Variants in NSD3 observed in about 807,000 individuals in gnomAD.
The protein encoded by NSD3 is histone-lysine N-methyltransferase NSD3.
NSD3 carries 24 observed loss-of-function variants against 160.8 expected under a neutral mutation model. That is an observed-to-expected ratio of 0.15 (90% CI 0.11 to 0.21). The LOEUF (loss-of-function observed/expected upper bound fraction) is 0.21, where lower values mean the gene tolerates loss of function less well. Among genes scored for constraint, NSD3 ranks in the 10% least tolerant of loss-of-function variants. The probability of loss-of-function intolerance (pLI) is 1.00; values close to 1 mark genes in which losing one functional copy is unlikely to be tolerated. For synonymous variants in NSD3, 520 were observed against 600.0 expected (o/e 0.87, Z 1.95); for missense variants, 1,157 against 1,735.9 (o/e 0.67, Z 5.93).
chr8:38,282,102 T>C (rs904684147), intron 19 of NSD3, among the ~76,000 whole-genome samples: 3 of 152,214 alleles, frequency 2.0e-5, no homozygotes, highest in African/African-American at 7.2e-5. Flanking sequence ...TACAGTACAA[T>C]ATCAAAACCA....
Position 38,278,361 on chromosome 8 carries a change from G to A in NSD3, c.3812C>T (p.Thr1271Met), listed in dbSNP as rs375135970. 281 of 1,613,866 alleles carry A rather than the reference G, an allele frequency of 1.7e-4. 1 individual carries two copies. Among genetic ancestry groups the A allele is most frequent in the Non-Finnish European group, 2.3e-4 (267 of 1,180,002 alleles). The change falls in exon 22 of 24, where the codon ACG (threonine) becomes ATG (methionine). Residue 1271 changes from threonine to methionine, a missense_variant. Around this residue, in one of 10 missense-constraint regions of NSD3, gnomAD observed 222 missense variants for 409.9 expected, o/e 0.54. Transcript: ENST00000317025. ...GTTATCTGCTCCACAGTGGCACTCC[G>A]TTCTGCCGTTGCCCAGACAATCTAG... The part of the protein sequence containing the change: ...YNLDCLGNGR[T>M]ECHCGADNCS...
chr8:38,333,352 A>T (rs993574547), intron 4 of NSD3, among the ~76,000 whole-genome samples: 1 of 152,242 alleles, frequency 6.6e-6, no homozygotes, highest in Non-Finnish European at 1.5e-5. Context: ...AAAACTATGA[A>T]ATAAGACTGA....
intron 1 of NSD3, among the ~76,000 whole-genome samples, chr8:38,362,845 G>C (rs1811014287): frequency 6.6e-6 from 1 of 152,136 alleles, no homozygotes. Context: ...CATCACTGTA[G>C]AACATAACAC....
intron 23 of NSD3, 146 bp from the exon 24 acceptor site, chr8:38,276,028 C>A: frequency 1.2e-6 from 1 of 839,138 alleles, no homozygotes; most frequent in Non-Finnish European, 1.8e-6. Context: ...AAACATAGAT[C>A]TGGGTGTACA....
chr8:38,277,682 G>A (rs926147723), intron 22 of NSD3, among the ~76,000 whole-genome samples: 2 of 152,068 alleles, frequency 1.3e-5, no homozygotes, highest in African/African-American at 2.4e-5. Flanking sequence ...CACATAATTC[G>A]CCATTTTAAA....
intron 2 of NSD3, among the ~76,000 whole-genome samples, chr8:38,344,666 T>C (rs1040652474): frequency 6.6e-6 from 1 of 152,082 alleles, no homozygotes; most frequent in Non-Finnish European, 1.5e-5. Context: ...AACAACAAAG[T>C]AAAGTAAAAG....
chr8:38,359,999 A>AT (rs3050695), intron 1 of NSD3, among the ~76,000 whole-genome samples: 3,545 of 143,304 alleles, frequency 0.025, 83 homozygotes, highest in African/African-American at 0.064. Flanking sequence ...CTCTCAAACA[A>AT]TTTTTTTTTT....
chr8:38,328,399 GA>G (rs1809967080), intron 6 of NSD3, among the ~76,000 whole-genome samples: 1 of 152,118 alleles, frequency 6.6e-6, no homozygotes. Context: ...TTTGCTATTT[GA>G]AAGATGAAAA....
At chr8:38,328,930 A>C (rs890498386) in intron 6 of NSD3, among the ~76,000 whole-genome samples, 1 of 152,246 alleles carries the variant, frequency 6.6e-6, no homozygotes, top group African/African-American at 2.4e-5. Flanking sequence ...AGCCCATAAG[A>C]ATCTAACAAA....
At chr8:38,311,459 T>C (rs970381521) in intron 12 of NSD3, among the ~76,000 whole-genome samples, 1 of 152,160 alleles carries the variant, frequency 6.6e-6, no homozygotes, top group African/African-American at 2.4e-5. Context: ...CCCGAGTAGC[T>C]GGAATTATAG....
At chr8:38,287,612 T>A (rs996408492) in intron 19 of NSD3, among the ~76,000 whole-genome samples, 2 of 152,186 alleles carry the variant, frequency 1.3e-5, no homozygotes, top group Non-Finnish European at 1.5e-5. Context: ...ATTCTATGAC[T>A]TTTCTTTACT....
chr8:38,344,382 G>A (rs1166196683), intron 2 of NSD3, among the ~76,000 whole-genome samples: 1 of 152,092 alleles, frequency 6.6e-6, no homozygotes, highest in African/African-American at 2.4e-5. Flanking sequence ...AGCAATTCCT[G>A]TGCCTCGGCC....
At position 38,364,909 on chromosome 8, in the gene NSD3, G is replaced by C. The variant is rs533683773; in HGVS notation, c.-44-16694C>G. On this transcript the variant is annotated intron_variant, in intron 1 of 23. Coordinates refer to ENST00000317025, the MANE Select transcript of NSD3 (RefSeq NM_023034.2). ...AATTTATTTTGTAAAGATAAATAAT[G>C]TGCAAGTTTCCTAAATAAACAGACT... Among the ~76,000 whole-genome samples, 3 of 152,292 alleles carry C rather than the reference G, an allele frequency of 2.0e-5. No individual in the cohort carries two copies. The South Asian group carries it at 6.2e-4, about 32-fold the overall frequency.
In NSD3 at chr8:38,329,257, T is replaced by G. The variant is rs1486698305; in HGVS notation, c.1581+121A>C. The G allele has an allele frequency of 1.3e-5, 15 of 1,193,842 alleles. No homozygotes were observed. The highest frequency in any genetic ancestry group is 1.7e-5 in the Non-Finnish European group (15 of 861,304). The allele number at this position is 1,193,842 out of a possible 1,614,324, so 74.0% of individuals were successfully genotyped here. ...TTGCCCACAGAGTACAATGACTGTA[T>G]GTTTCAAATTCAGTGGGTAGAAAGG... On this transcript the variant is annotated intron_variant, in intron 6 of 23. Coordinates refer to ENST00000317025, the MANE Select transcript of NSD3 (RefSeq NM_023034.2). The surrounding 1 kb of genome is among the most constrained non-coding windows in gnomAD (Gnocchi z 4.8).
chr8:38,289,481 A>G lies in NSD3; in HGVS notation c.3143T>C (p.Phe1048Ser). 1 of 1,613,598 alleles carries G rather than the reference A, an allele frequency of 6.2e-7. No homozygotes were observed. Among genetic ancestry groups the G allele is most frequent in the East Asian group, 2.2e-5 (1 of 44,852 alleles). The change falls in exon 18 of 24, where the codon TTC (phenylalanine) becomes TCC (serine). Residue 1048 changes from phenylalanine (F) to serine (S), a missense_variant. Phe to Ser is a radical substitution (Grantham distance 155). Around this residue, in one of 10 missense-constraint regions of NSD3, gnomAD observed 437 missense variants for 576.6 expected, o/e 0.76. Coordinates refer to ENST00000317025, the MANE Select transcript of NSD3 (RefSeq NM_023034.2). Reference protein sequence around the residue: ...KKALEEAAKRFQELKAQRESK... With the variant: ...KKALEEAAKRSQELKAQRESK... ...TTCTCTTTGTGCTTTCAATTCCTGG[A>G]AACGTTTTGCAGCTTCTTCCAGTGC... is the stretch of plus-strand genomic sequence containing the variant.
At chr8:38,335,325 T>A (rs776902889) in intron 4 of NSD3, among the ~76,000 whole-genome samples, 13 of 152,174 alleles carry the variant, frequency 8.5e-5, no homozygotes, top group Non-Finnish European at 1.8e-4. Context: ...TGTAAATACT[T>A]CCTTTGAAAT....
At chr8:38,352,258 C>T (rs1298425866) in intron 1 of NSD3, among the ~76,000 whole-genome samples, 1 of 152,026 alleles carries the variant, frequency 6.6e-6, no homozygotes, top group Non-Finnish European at 1.5e-5. Context: ...GCCACTGTTT[C>T]TTCTGCTGTT....
At chr8:38,307,280 G>A (rs533790466) in intron 12 of NSD3, among the ~76,000 whole-genome samples, 19 of 152,152 alleles carry the variant, frequency 1.2e-4, no homozygotes, top group Admixed American at 4.6e-4. Context: ...TGCCTCCTAA[G>A]TTCAAGTGAT....
chr8:38,337,277 C>T lies in NSD3; in HGVS notation c.910+28G>A, dbSNP rs753686077. The T allele has an allele frequency of 2.0e-6, 3 of 1,530,332 alleles. No homozygotes were observed. In the African/African-American group the frequency reaches 4.2e-5, roughly 21 times the overall value. 94.8% of individuals were successfully genotyped at this position (1,530,332 alleles called of 1,614,324 possible). A position where few individuals can be genotyped will look rare whatever the true frequency, so the allele number is the denominator to read the frequency against. On this transcript the variant is annotated intron_variant, in intron 4 of 23. Transcript: ENST00000317025. ...AGTCACTTTTATTTCCAACCTTTTA[C>T]TTAGTATCTGTTTATGCCTTTTCTT...
Sources: gnomAD v4.1 joint callset for allele counts (sites outside exome capture counted in the v4.1 genomes callset) on GRCh38, gnomAD v4.1.1 for gene constraint, gnomAD v4.1.1 regional missense constraint, Gnocchi (gnomAD v3.1) non-coding constraint, MANE v1.5 for transcripts, NCBI Gene and HGNC (gene_info 2026-07-23, HGNC 2026-07-21) for gene names.